SEMA4D: variants seen among roughly 807,000 people sequenced by gnomAD.
SEMA4D encodes the protein semaphorin 4D.
Under a neutral mutation model 74.8 loss-of-function variants are expected in SEMA4D, and 22 were observed. The ratio of observed to expected loss-of-function variants is 0.29; its 90% CI spans 0.21 to 0.42. SEMA4D has a LOEUF of 0.42. Ranked by LOEUF, SEMA4D falls within the 10% of genes least tolerant of loss-of-function variation. The probability of loss-of-function intolerance (pLI) is 1.00; values close to 1 mark genes in which losing one functional copy is unlikely to be tolerated. For synonymous variants in SEMA4D, 445 were observed against 463.7 expected (o/e 0.96, Z 0.52); for missense variants, 937 against 1,118.4 (o/e 0.84, Z 2.31).
intron 2 of SEMA4D, among the ~76,000 whole-genome samples, chr9:89,422,265 A>C (rs1318609471): frequency 6.6e-6 from 1 of 152,254 alleles, no homozygotes; most frequent in Non-Finnish European, 1.5e-5. Context: ...CCTCATTCTA[A>C]GAAACTCTGA....
At chr9:89,455,049 G>A (rs1855600581) in intron 2 of SEMA4D, among the ~76,000 whole-genome samples, 1 of 152,254 alleles carries the variant, frequency 6.6e-6, no homozygotes, top group South Asian at 2.1e-4. Flanking sequence ...GAGGGGGTGG[G>A]GACAGGGCCA....
intron 1 of SEMA4D, among the ~76,000 whole-genome samples, chr9:89,471,804 A>G (rs35618958): frequency 8.2e-6 from 1 of 122,326 alleles, no homozygotes; most frequent in Non-Finnish European, 1.8e-5. Flanking sequence ...CAGGGTGCAC[A>G]CTGGCTCAGG....
rs75788964 is a variant in SEMA4D, at chr9:89,445,798, G to A, written c.-244+10090C>T. 2.6e-5 allele frequency among the ~76,000 whole-genome samples: 4 copies of A among 152,154 alleles called. No individual in the cohort carries two copies. The East Asian group carries it at 7.7e-4, about 29-fold the overall frequency. Reference sequence around the variant, plus strand: ...TTGGGTGAGGCCAACTCACTCTGGGGAGGGCCACCTCCTACCCCACCTTCT... The same window carrying A: ...TTGGGTGAGGCCAACTCACTCTGGGAAGGGCCACCTCCTACCCCACCTTCT... On this transcript the variant is annotated intron_variant, in intron 2 of 15. Transcript: ENST00000422704.
At chr9:89,467,985 C>T (rs1238148183) in intron 1 of SEMA4D, among the ~76,000 whole-genome samples, 2 of 150,944 alleles carry the variant, frequency 1.3e-5, no homozygotes, top group African/African-American at 2.4e-5. Context: ...TTTATGCATA[C>T]GTTACACAAC....
chr9:89,367,356 A>C (rs1055255789), intron 16 of SEMA4D: 2 of 152,178 alleles, frequency 1.3e-5, no homozygotes, highest in African/African-American at 4.8e-5. Context: ...TCCTGAAAAC[A>C]CCACTGTTTT....
chr9:89,432,087 G>A (rs957988480), intron 2 of SEMA4D, among the ~76,000 whole-genome samples: 1 of 151,976 alleles, frequency 6.6e-6, no homozygotes, highest in South Asian at 2.1e-4. Flanking sequence ...GAGCCTGGTG[G>A]CCCAGCTGCA....
At chr9:89,387,858 T>C (rs1400239546) in intron 11 of SEMA4D, among the ~76,000 whole-genome samples, 1 of 152,178 alleles carries the variant, frequency 6.6e-6, no homozygotes, top group Non-Finnish European at 1.5e-5. Context: ...GGGAAGGAAT[T>C]TTTATCTATT....
rs373051204 is a variant in SEMA4D at position 89,363,528 on chromosome 9, C to A, written c.2093-1G>T. On this transcript the variant is annotated splice_acceptor_variant, in intron 17 of 18. Coordinates refer to the SEMA4D transcript ENST00000339861. LOFTEE classifies it high-confidence loss of function. ...GTCCACCTCTCCTGGTGGGTCACTT[C>A]TGGAAAACAAGCAGGGTCCCCAGGT... is the stretch of plus-strand genomic sequence containing the variant. The A allele has an allele frequency of 2.4e-5, 38 of 1,613,950 alleles. No homozygotes were observed. In the South Asian group the frequency reaches 3.0e-4, roughly 13 times the overall value.
chr9:89,377,063 A>G (rs1461297322), downstream of SEMA4D: 2 of 1,527,142 alleles, frequency 1.3e-6, no homozygotes, highest in Non-Finnish European at 1.8e-6. Context: ...TGTGAGACAG[A>G]GAGGACAGAA....
chr9:89,444,324 A>G (rs1413350403), intron 2 of SEMA4D, among the ~76,000 whole-genome samples: 2 of 152,162 alleles, frequency 1.3e-5, no homozygotes, highest in Non-Finnish European at 2.9e-5. Context: ...AGGCAAACAC[A>G]TACAGGCATA....
At chr9:89,461,851 C>T (rs929420430) in intron 1 of SEMA4D, among the ~76,000 whole-genome samples, 10 of 151,714 alleles carry the variant, frequency 6.6e-5, no homozygotes, top group Admixed American at 1.3e-4. Context: ...TACAGGCGTG[C>T]GCCACTACGC....
rs116718939 is a variant in SEMA4D at position 89,386,272 on chromosome 9, C to T, written c.1446+95G>A. On this transcript the variant is annotated intron_variant, in intron 13 of 15. Transcript: ENST00000422704. Reference sequence around the variant, plus strand: ...GGGCAGACAGACAGAGGGGCCTGCCCAGGAGCCCGACTCCAGCTTGCCAAC... The same window carrying T: ...GGGCAGACAGACAGAGGGGCCTGCCTAGGAGCCCGACTCCAGCTTGCCAAC... 2,926 of 1,096,770 alleles carry T rather than the reference C, an allele frequency of 2.7e-3. 40 individuals carry two copies. The African/African-American group carries it at 0.038, about 14-fold the overall frequency. The allele number at this position is 1,096,770 out of a possible 1,614,324, so 67.9% of individuals were successfully genotyped here.
chr9:89,377,282 C>T lies in SEMA4D; in HGVS notation c.*1422G>A, dbSNP rs1177333497. ...TATTTGGGTACTTTCCAAATGTATACAATTCAAAGTAGAAAAATAAAAACA... is the reference window on the plus strand; with the variant it reads ...TATTTGGGTACTTTCCAAATGTATATAATTCAAAGTAGAAAAATAAAAACA... On this transcript the variant is annotated 3_prime_UTR_variant, in exon 16 of 16. Transcript: ENST00000422704. 2.2e-5 allele frequency: 12 copies of T among 533,564 alleles called. No individual in the cohort carries two copies. Among genetic ancestry groups the T allele is most frequent in the South Asian group, 4.8e-5 (1 of 20,904 alleles). The allele number at this position is 533,564 out of a possible 1,614,324, so 33.1% of individuals were successfully genotyped here.
At chr9:89,436,948 G>A (rs554911526) in intron 2 of SEMA4D, among the ~76,000 whole-genome samples, 4 of 152,368 alleles carry the variant, frequency 2.6e-5, no homozygotes, top group Admixed American at 2.6e-4. Flanking sequence ...GGAAGCAGAT[G>A]TAGCCCTGGG....
chr9:89,361,524 GAC>G (rs750583076), exon 19 of SEMA4D: 1 of 152,332 alleles, frequency 6.6e-6, no homozygotes, highest in African/African-American at 2.4e-5. Context: ...CACACACAGT[GAC>G]ACAGTCTTCA....
At chr9:89,418,257 G>T in intron 2 of SEMA4D, 2 of 702,518 alleles carry the variant, frequency 2.8e-6, no homozygotes, top group Non-Finnish European at 3.5e-6. Flanking sequence ...CGCAGGATCA[G>T]CTTGGCTTGC....
intron 2 of SEMA4D, among the ~76,000 whole-genome samples, chr9:89,448,339 T>TG (rs1853489324): frequency 6.6e-6 from 1 of 152,232 alleles, no homozygotes; most frequent in African/African-American, 2.4e-5. Context: ...TGATCTCCTT[T>TG]GGGGTCTGTC....
chr9:89,445,496 G>A (rs1412195207), intron 2 of SEMA4D, among the ~76,000 whole-genome samples: 2 of 152,194 alleles, frequency 1.3e-5, no homozygotes, highest in African/African-American at 4.8e-5. Context: ...GAGGCCCCAG[G>A]GGAGACTCCC....
Position 89,378,447 on chromosome 9 carries a change from CCTT to C in SEMA4D, c.*254_*256del, listed in dbSNP as rs1836217013. 4.4e-6 allele frequency: 2 copies of C among 457,900 alleles called. No homozygotes were observed. Among genetic ancestry groups the C allele is most frequent in the Non-Finnish European group, 7.9e-6 (2 of 254,564 alleles). 28.4% of individuals were successfully genotyped at this position (457,900 alleles called of 1,614,324 possible). Reference sequence around the variant, plus strand: ...TCAGGAACTCCGTGCCGCCCGTGGGCCTTCTTCAAGTACTCCGACTGACTTCGG... The same window carrying C: ...TCAGGAACTCCGTGCCGCCCGTGGGCCTTCAAGTACTCCGACTGACTTCGG... On this transcript the variant is annotated 3_prime_UTR_variant, in exon 16 of 16. Coordinates refer to ENST00000422704, the MANE Select transcript of SEMA4D (RefSeq NM_001371194.2).
Sources: allele counts gnomAD v4.1 joint callset (sites outside exome capture counted in the v4.1 genomes callset), GRCh38; gene constraint gnomAD v4.1.1; transcripts MANE v1.5; gene names NCBI Gene and HGNC (gene_info 2026-07-23, HGNC 2026-07-21).